Variants in MAP7D2 observed in about 807,000 individuals in gnomAD.
MAP7D2 encodes MAP7 domain-containing protein 2.
MAP7D2 carries 33 observed loss-of-function variants against 63.5 expected under a neutral mutation model. The ratio of observed to expected loss-of-function variants is 0.52; its 90% confidence interval spans 0.39 to 0.70. The LOEUF (loss-of-function observed/expected upper bound fraction) is 0.70. MAP7D2 is among the 30% of genes least tolerant of loss of function. MAP7D2 has a pLI of 0.00. For missense variants in MAP7D2, 626 were observed against 604.0 expected (o/e 1.04, Z -0.38); for synonymous variants, 224 against 223.7 (o/e 1.00, Z -0.01).
chrX:20,111,165 C>T (rs1427994040), intron 1 of MAP7D2, among the ~76,000 whole-genome samples: 1 of 111,498 alleles, frequency 9.0e-6, no homozygotes, highest in East Asian at 2.8e-4. Flanking sequence ...GCAGACTGTA[C>T]CAGCATGAGG....
intron 8 of MAP7D2, among the ~76,000 whole-genome samples, chrX:20,029,307 CT>C (rs2073975805): frequency 8.9e-6 from 1 of 112,428 alleles, no homozygotes; most frequent in African/African-American, 3.2e-5. Context: ...TAGCCAGCAT[CT>C]GAGTTCCAGC....
chrX:20,039,521 C>A (rs182021946), intron 8 of MAP7D2, among the ~76,000 whole-genome samples: 1 of 111,528 alleles, frequency 9.0e-6, no homozygotes, highest in Non-Finnish European at 1.9e-5. Flanking sequence ...GGGTTCAAGT[C>A]GACAAGAGGT....
intron 3 of MAP7D2, among the ~76,000 whole-genome samples, chrX:20,058,529 T>C (rs2065122369): frequency 9.0e-6 from 1 of 111,550 alleles, no homozygotes; most frequent in African/African-American, 3.3e-5. Context: ...GGGGGCACCC[T>C]TGTAAGGGAA....
intron 1 of MAP7D2, among the ~76,000 whole-genome samples, chrX:20,092,210 G>A (rs1390023110): frequency 2.7e-5 from 3 of 111,277 alleles, no homozygotes; most frequent in Non-Finnish European, 5.6e-5. Flanking sequence ...AACCTAACCT[G>A]TGCCTTGTAT....
chrX:20,071,122 T>A (rs1309812463), intron 1 of MAP7D2, among the ~76,000 whole-genome samples: 1 of 112,595 alleles, frequency 8.9e-6, no homozygotes, highest in East Asian at 2.8e-4. Context: ...GGAGCCATCC[T>A]GATCCCTTCA....
chrX:20,106,372 G>A (rs920213666), intron 1 of MAP7D2, among the ~76,000 whole-genome samples: 5 of 112,192 alleles, frequency 4.5e-5, no homozygotes, highest in African/African-American at 1.6e-4. Context: ...ATCCGGGCCT[G>A]CTTTGCCTGA....
chrX:20,079,680 C>A (rs1308643037), intron 1 of MAP7D2, among the ~76,000 whole-genome samples: 1 of 112,075 alleles, frequency 8.9e-6, no homozygotes, highest in Non-Finnish European at 1.9e-5. Flanking sequence ...AGGAACATTA[C>A]TACCTACATC....
At chrX:20,112,385 G>C (rs1416368901) in intron 1 of MAP7D2, among the ~76,000 whole-genome samples, 2 of 111,762 alleles carry the variant, frequency 1.8e-5, no homozygotes, top group Non-Finnish European at 3.8e-5. Context: ...CCCAAACTCT[G>C]CTAGTCACAA....
chrX:20,050,630 A>G (rs2064922217), intron 6 of MAP7D2, among the ~76,000 whole-genome samples, 194 bp downstream of exon 6: 1 of 112,283 alleles, frequency 8.9e-6, no homozygotes, highest in African/African-American at 3.2e-5. Flanking sequence ...CTCATAAGAT[A>G]ATTTACTCAC....
chrX:20,081,377 T>C (rs2065773009), intron 1 of MAP7D2, among the ~76,000 whole-genome samples: 1 of 112,215 alleles, frequency 8.9e-6, no homozygotes, highest in Non-Finnish European at 1.9e-5. Context: ...ATGGCACTCC[T>C]GGCCCAGATG....
chrX:20,079,005 A>T (rs1432614932), intron 1 of MAP7D2, among the ~76,000 whole-genome samples: 1 of 110,256 alleles, frequency 9.1e-6, no homozygotes, highest in Non-Finnish European at 1.9e-5. Context: ...AAATTTGTGC[A>T]TTGTAGTGTA....
intron 8 of MAP7D2, 122 bp downstream of exon 8, chrX:20,042,380 C>A: frequency 1.3e-6 from 1 of 796,655 alleles, no homozygotes. Flanking sequence ...ATTTCTCCCA[C>A]TTACCACTTC....
In MAP7D2 at chrX:20,024,990, T is replaced by C; in HGVS notation, c.1373A>G (p.Gln458Arg). 8.3e-7 allele frequency: 1 copy of C among 1,210,514 alleles called. No individual in the cohort carries two copies. The highest frequency in any genetic ancestry group is 1.1e-6 in the Non-Finnish European group (1 of 894,552). Residue 458 changes from glutamine (Q) to arginine (R), a missense_variant, in exon 10 of 17, where the codon CAG (glutamine) becomes CGG (arginine). By Grantham distance (43) the Gln-to-Arg change is conservative (BLOSUM62 1). Coordinates refer to ENST00000379643, the MANE Select transcript of MAP7D2 (RefSeq NM_001168465.2). ...KRRQARLQKE[Q>R]EEQERLEKEE... The stretch of plus-strand genomic sequence containing the variant: ...CTTCTCCAGTCGTTCTTGCTCCTCC[T>C]GTTCCTTCTGCAGCCGGGCCTGTCT...
chrX:20,065,299 C>T (rs1348134272), intron 1 of MAP7D2, among the ~76,000 whole-genome samples: 1 of 101,625 alleles, frequency 9.8e-6, no homozygotes, highest in Non-Finnish European at 2.0e-5. Flanking sequence ...CAGAGTCTCA[C>T]TCTGTCGCCT....
chrX:20,109,583 C>G (rs982028057), intron 1 of MAP7D2, among the ~76,000 whole-genome samples: 1 of 109,345 alleles, frequency 9.1e-6, no homozygotes, highest in African/African-American at 3.3e-5. Flanking sequence ...GGGTGTGAAG[C>G]CTGGTTTGCC....
intron 3 of MAP7D2, among the ~76,000 whole-genome samples, chrX:20,060,023 CTTT>C (rs1426036593): frequency 9.9e-6 from 1 of 101,058 alleles, no homozygotes; most frequent in Admixed American, 1.1e-4. Flanking sequence ...TATATGTGTT[CTTT>C]TTTTTTTTTT....
At chrX:20,104,450 G>A (rs771808861) in intron 1 of MAP7D2, among the ~76,000 whole-genome samples, 67 of 111,688 alleles carry the variant, frequency 6.0e-4, no homozygotes, top group East Asian at 2.3e-3. Context: ...ACAGGCGTGC[G>A]CCACCACACC....
chrX:20,050,380 A>G (rs1383808188), intron 6 of MAP7D2, among the ~76,000 whole-genome samples: 1 of 111,568 alleles, frequency 9.0e-6, no homozygotes, highest in African/African-American at 3.3e-5. Context: ...ATTTGCATGC[A>G]CTCTCTCATT....
At chrX:20,039,360 T>C (rs1396792845) in intron 8 of MAP7D2, among the ~76,000 whole-genome samples, 1 of 112,312 alleles carries the variant, frequency 8.9e-6, no homozygotes, top group Non-Finnish European at 1.9e-5. Flanking sequence ...TAAGATTTAT[T>C]GATGTCATAT....
Sources: gnomAD v4.1 joint callset for allele counts (sites outside exome capture counted in the v4.1 genomes callset) on GRCh38, gnomAD v4.1.1 for gene constraint, MANE v1.5 for transcripts, NCBI Gene and HGNC (gene_info 2026-07-23, HGNC 2026-07-21) for gene names.